Variants in DLGAP2 observed in about 807,000 individuals in gnomAD.
The protein encoded by DLGAP2 is DLG associated protein 2, also known as disks large-associated protein 2.
In DLGAP2, 26 loss-of-function variants were observed where a neutral mutation model predicts 100.3. The ratio of observed to expected loss-of-function variants is 0.26; its 90% CI spans 0.19 to 0.36. The LOEUF (loss-of-function observed/expected upper bound fraction) is 0.36, where lower values mean the gene tolerates loss of function less well. Ranked by LOEUF, DLGAP2 falls within the 10% of genes least tolerant of loss-of-function variation. The pLI, the probability that DLGAP2 is intolerant of heterozygous loss-of-function variation, is 1.00. For synonymous variants in DLGAP2, 886 were observed against 630.1 expected (o/e 1.41, Z -6.08); for missense variants, 1,858 against 1,453.2 (o/e 1.28, Z -4.53).
At chr8:1,646,488 A>G (rs1316038134) in intron 8 of DLGAP2, among the ~76,000 whole-genome samples, 1 of 152,188 alleles carries the variant, frequency 6.6e-6, no homozygotes, top group Admixed American at 6.5e-5. Flanking sequence ...TTTCTCTGAA[A>G]AGCCCCAACT....
chr8:1,319,240 C>A (rs34329371), intron 3 of DLGAP2, among the ~76,000 whole-genome samples: 57,142 of 151,990 alleles, frequency 0.38, 10,889 homozygotes, highest in South Asian at 0.45. Flanking sequence ...GCTAAGTTCT[C>A]AGCTAAGCTC....
chr8:1,215,139 A>C (rs951812574), intron 2 of DLGAP2, among the ~76,000 whole-genome samples: 6 of 152,222 alleles, frequency 3.9e-5, no homozygotes, highest in Non-Finnish European at 7.3e-5. Context: ...ATGGTACAAA[A>C]GGGGGAGAAT....
chr8:1,109,076 G>T (rs1218392413), intron 2 of DLGAP2, among the ~76,000 whole-genome samples: 4 of 118,112 alleles, frequency 3.4e-5, no homozygotes, highest in African/African-American at 1.2e-4. Flanking sequence ...GGGTCTGTGA[G>T]GTGTGCACGG....
Position 1,384,867 on chromosome 8 carries a change from C to T in DLGAP2, c.107-116499C>T, listed in dbSNP as rs71497198. 1.3e-3 allele frequency among the ~76,000 whole-genome samples: 31 copies of T among 24,142 alleles called. 3 individuals carry two copies. The highest frequency in any genetic ancestry group is 4.5e-3 in the African/African-American group (27 of 6,018). The allele number at this position is 24,142 out of a possible 152,430, so 15.8% of individuals were successfully genotyped here. The stretch of plus-strand genomic sequence containing the variant: ...ATGCCCGTCCCCTGAGAACTTGGTG[C>T]ACAGTTACCCCGGTCTGTGCCCGTC... On this transcript the variant is annotated intron_variant, in intron 3 of 14. Coordinates refer to ENST00000637795, the MANE Select transcript of DLGAP2 (RefSeq NM_001346810.2).
chr8:947,059 T>C (rs1417099413), intron 2 of DLGAP2, among the ~76,000 whole-genome samples: 3 of 152,164 alleles, frequency 2.0e-5, no homozygotes, highest in Non-Finnish European at 4.4e-5. Flanking sequence ...GGAAGGCGCC[T>C]CCCAAGAGAG....
chr8:1,324,532 T>C (rs1228096994), intron 3 of DLGAP2, among the ~76,000 whole-genome samples: 3 of 152,178 alleles, frequency 2.0e-5, no homozygotes, highest in Non-Finnish European at 2.9e-5. Flanking sequence ...ATTAACACAT[T>C]GCTCAGGATG....
At chr8:801,099 A>G (rs1370232722) in intron 1 of DLGAP2, among the ~76,000 whole-genome samples, 1 of 152,210 alleles carries the variant, frequency 6.6e-6, no homozygotes, top group Non-Finnish European at 1.5e-5. Flanking sequence ...GCGTGTTCAC[A>G]GATCCCACTG....
intron 13 of DLGAP2, among the ~76,000 whole-genome samples, chr8:1,696,849 CCT>C (rs1260679329): frequency 6.6e-6 from 1 of 152,254 alleles, no homozygotes; most frequent in African/African-American, 2.4e-5. Flanking sequence ...AACACAGGCT[CCT>C]ACTGCTTTTA....
chr8:995,117 A>T (rs1247289307), intron 2 of DLGAP2, among the ~76,000 whole-genome samples: 3 of 152,172 alleles, frequency 2.0e-5, no homozygotes, highest in African/African-American at 7.2e-5. Flanking sequence ...AATTGTTTTT[A>T]TTGCCTCAGA....
intron 3 of DLGAP2, among the ~76,000 whole-genome samples, chr8:1,316,809 T>C (rs867749889): frequency 8.8e-3 from 661 of 74,820 alleles, no homozygotes; most frequent in Middle Eastern, 0.064. Flanking sequence ...AGAAACTCGG[T>C]AGCGTTTAAA....
chr8:1,073,888 G>A (rs1803509376), intron 2 of DLGAP2, among the ~76,000 whole-genome samples: 1 of 152,270 alleles, frequency 6.6e-6, no homozygotes, highest in Admixed American at 6.5e-5. Flanking sequence ...CCTTCAGACT[G>A]AGACTGAACT....
chr8:1,092,451 C>G (rs890108537), intron 2 of DLGAP2, among the ~76,000 whole-genome samples: 3 of 152,192 alleles, frequency 2.0e-5, no homozygotes, highest in Admixed American at 2.0e-4. Flanking sequence ...TTTCCCCTTC[C>G]TCTTTGCCCC....
At chr8:1,282,215 A>G (rs7813996) in intron 3 of DLGAP2, among the ~76,000 whole-genome samples, 27 of 116,152 alleles carry the variant, frequency 2.3e-4, no homozygotes, top group African/African-American at 7.3e-4. Flanking sequence ...TGTGACCTGA[A>G]CCCAGCCCCC....
chr8:1,340,341 A>G (rs1269981342), intron 3 of DLGAP2, among the ~76,000 whole-genome samples: 2 of 152,272 alleles, frequency 1.3e-5, no homozygotes, highest in African/African-American at 4.8e-5. Flanking sequence ...TATGCATCCC[A>G]CAAAGGTCTA....
At chr8:1,174,333 T>G (rs1268826557) in intron 2 of DLGAP2, among the ~76,000 whole-genome samples, 1 of 151,460 alleles carries the variant, frequency 6.6e-6, no homozygotes, top group African/African-American at 2.4e-5. Context: ...ATTATCATCA[T>G]TACCATTACC....
intron 1 of DLGAP2, among the ~76,000 whole-genome samples, chr8:827,365 G>T (rs1172315598): frequency 6.6e-6 from 1 of 152,164 alleles, no homozygotes; most frequent in East Asian, 1.9e-4. Flanking sequence ...AGACTTGCAT[G>T]CAAATTCATT....
At chr8:1,376,864 C>T (rs1795952570) in intron 3 of DLGAP2, among the ~76,000 whole-genome samples, 1 of 152,162 alleles carries the variant, frequency 6.6e-6, no homozygotes, top group Non-Finnish European at 1.5e-5. Context: ...GCGAAATGTG[C>T]ACGGGTAGGA....
chr8:820,572 C>G (rs1796565368), intron 1 of DLGAP2, among the ~76,000 whole-genome samples: 1 of 152,192 alleles, frequency 6.6e-6, no homozygotes, highest in South Asian at 2.1e-4. Context: ...AAAAGGTCCC[C>G]AGACTCTAGG....
At chr8:1,039,330 TGGTGTGCGTGGTCAGCTC>T (rs1270763024) in intron 2 of DLGAP2, among the ~76,000 whole-genome samples, 4 of 92,120 alleles carry the variant, frequency 4.3e-5, no homozygotes, top group Non-Finnish European at 6.7e-5. Flanking sequence ...GTGGTCAGCT[TGGTGTGCGTGGTCAGCTC>T]GGTGTGCGTG....
Sources: gnomAD v4.1 joint callset for allele counts (sites outside exome capture counted in the v4.1 genomes callset) on GRCh38, gnomAD v4.1.1 for gene constraint, MANE v1.5 for transcripts, NCBI Gene and HGNC (gene_info 2026-07-23, HGNC 2026-07-21) for gene names.